The following KCNJ3 variants were observed in gnomAD, a reference collection of about 807,000 sequenced individuals.
KCNJ3 encodes potassium inwardly rectifying channel subfamily J member 3.
KCNJ3 carries 4 observed loss-of-function variants against 39.2 expected under a neutral mutation model. The ratio of observed to expected loss-of-function variants is 0.10; its 90% CI spans 0.05 to 0.23. The LOEUF is 0.23. KCNJ3 is among the 10% of genes least tolerant of loss of function. The pLI, the probability that KCNJ3 is intolerant of heterozygous loss-of-function variation, is 1.00. For missense variants in KCNJ3, 276 were observed against 634.9 expected (o/e 0.43, Z 6.08); for synonymous variants, 230 against 237.4 (o/e 0.97, Z 0.29).
At chr2:154,744,316 T>G (rs903723523) in intron 2 of KCNJ3, among the ~76,000 whole-genome samples, 1 of 151,702 alleles carries the variant, frequency 6.6e-6, no homozygotes, top group Admixed American at 6.6e-5. Flanking sequence ...TTATACTGAT[T>G]GTGTCTGCTT....
chr2:154,699,787 C>G lies in KCNJ3; in HGVS notation c.702+310C>G, dbSNP rs1215737330. ...CCATGAGGGCAATTAGTGCCCTGTT[C>G]GCCTTCCTGTCCCTGTTGCTTCGCT... On this transcript the variant is annotated intron_variant, in intron 1 of 2. Transcript: ENST00000295101. The surrounding 1 kb of genome is among the most constrained non-coding windows in gnomAD (Gnocchi z 6.4). Among the ~76,000 whole-genome samples, 1 of 152,128 alleles carries G rather than the reference C, an allele frequency of 6.6e-6. No homozygotes were observed. Among genetic ancestry groups the G allele is most frequent in the African/African-American group, 2.4e-5 (1 of 41,432 alleles).
chr2:154,758,092 C>G (rs763122692), intron 2 of KCNJ3, among the ~76,000 whole-genome samples: 2 of 152,028 alleles, frequency 1.3e-5, no homozygotes, highest in Non-Finnish European at 2.9e-5. Flanking sequence ...TTATTTCAGG[C>G]ATTTTAAAAT....
At chr2:154,795,378 AT>A (rs1686704289) in intron 2 of KCNJ3, among the ~76,000 whole-genome samples, 1 of 151,814 alleles carries the variant, frequency 6.6e-6, no homozygotes, top group Non-Finnish European at 1.5e-5. Flanking sequence ...ATCTGTCTCA[AT>A]TTTAATTTTT....
chr2:154,821,967 G>A (rs1425808845), intron 2 of KCNJ3, among the ~76,000 whole-genome samples: 1 of 151,262 alleles, frequency 6.6e-6, no homozygotes, highest in Non-Finnish European at 1.5e-5. Flanking sequence ...TTTTTTAAAT[G>A]TGCATCTGTT....
At chr2:154,802,696 A>G (rs1362037222) in intron 2 of KCNJ3, among the ~76,000 whole-genome samples, 1 of 152,112 alleles carries the variant, frequency 6.6e-6, no homozygotes, top group Non-Finnish European at 1.5e-5. Context: ...ATTCTATCTC[A>G]TTCAGTCTCA....
At chr2:154,758,718 T>C (rs974872500) in intron 2 of KCNJ3, among the ~76,000 whole-genome samples, 2 of 152,206 alleles carry the variant, frequency 1.3e-5, no homozygotes, top group Admixed American at 1.3e-4. Context: ...AATTGCAGTC[T>C]TGCAAATCAG....
At chr2:154,706,215 C>T (rs940389252) in intron 1 of KCNJ3, among the ~76,000 whole-genome samples, 1 of 151,920 alleles carries the variant, frequency 6.6e-6, no homozygotes, top group African/African-American at 2.4e-5. Flanking sequence ...ACATTTGTAT[C>T]TAGAAAACGA....
At chr2:154,842,581 C>G (rs1185800169) in intron 2 of KCNJ3, among the ~76,000 whole-genome samples, 3 of 152,068 alleles carry the variant, frequency 2.0e-5, no homozygotes, top group Non-Finnish European at 4.4e-5. Flanking sequence ...ATCTAAGTCT[C>G]TTTTTAGGTC....
intron 2 of KCNJ3, among the ~76,000 whole-genome samples, chr2:154,726,794 CAT>C (rs1181328924): frequency 2.8e-5 from 3 of 105,282 alleles, no homozygotes; most frequent in Admixed American, 1.2e-4. Flanking sequence ...ATTTTATATA[CAT>C]ACACACACAC....
At chr2:154,815,764 C>T (rs1687074741) in intron 2 of KCNJ3, among the ~76,000 whole-genome samples, 1 of 152,236 alleles carries the variant, frequency 6.6e-6, no homozygotes, top group Non-Finnish European at 1.5e-5. Context: ...ACTGCAGGCC[C>T]TTCAGCCATA....
chr2:154,771,236 G>A (rs1271310840), intron 2 of KCNJ3, among the ~76,000 whole-genome samples: 1 of 152,128 alleles, frequency 6.6e-6, no homozygotes, highest in Admixed American at 6.6e-5. Context: ...AATTTATCTG[G>A]AAGAGGAAGG....
In KCNJ3 at chr2:154,854,815, A is replaced by C; in HGVS notation, c.1008A>C (p.Gly336=). 1 of 1,613,868 alleles carries C rather than the reference A, an allele frequency of 6.2e-7. No homozygotes were observed. The highest frequency in any genetic ancestry group is 8.5e-7 in the Non-Finnish European group (1 of 1,179,886). The change falls in exon 3 of 3, where the codon GGA becomes GGC. Residue 336 remains glycine, a synonymous_variant. Coordinates refer to ENST00000295101, the MANE Select transcript of KCNJ3 (RefSeq NM_002239.4). The part of the protein sequence containing the change: ...RFFPVISLEE[G]FFKVDYSQFH... Reference sequence around the variant, plus strand: ...TTCCTGTAATTTCCTTAGAAGAGGGATTCTTTAAAGTTGATTACTCCCAGT... The same window carrying C: ...TTCCTGTAATTTCCTTAGAAGAGGGCTTCTTTAAAGTTGATTACTCCCAGT...
At chr2:154,815,723 C>T (rs972974697) in intron 2 of KCNJ3, among the ~76,000 whole-genome samples, 2 of 152,182 alleles carry the variant, frequency 1.3e-5, no homozygotes, top group Non-Finnish European at 2.9e-5. Flanking sequence ...TTTACTTGTT[C>T]CCTGATTCAA....
At chr2:154,700,459 T>C (rs1398329499) in intron 1 of KCNJ3, among the ~76,000 whole-genome samples, 1 of 152,248 alleles carries the variant, frequency 6.6e-6, no homozygotes, top group Non-Finnish European at 1.5e-5. Flanking sequence ...ATTCATTTTT[T>C]TCCCTAGAGG....
intron 2 of KCNJ3, among the ~76,000 whole-genome samples, chr2:154,770,020 C>T (rs546347192): frequency 8.6e-4 from 131 of 152,212 alleles, no homozygotes; most frequent in Non-Finnish European, 1.5e-3. Context: ...ATCTTCAGCA[C>T]TATGTTATTA....
chr2:154,753,727 A>G (rs191288138), intron 2 of KCNJ3, among the ~76,000 whole-genome samples: 1 of 152,218 alleles, frequency 6.6e-6, no homozygotes, highest in African/African-American at 2.4e-5. Flanking sequence ...TGTGGCATTT[A>G]TAAGTGATAG....
chr2:154,736,603 C>T (rs1006343517), intron 2 of KCNJ3, among the ~76,000 whole-genome samples: 1 of 151,888 alleles, frequency 6.6e-6, no homozygotes, highest in South Asian at 2.1e-4. Context: ...CAACAGAACT[C>T]GTAAAGAGCA....
chr2:154,819,723 G>A (rs1038802286), intron 2 of KCNJ3, among the ~76,000 whole-genome samples: 5 of 151,832 alleles, frequency 3.3e-5, no homozygotes, highest in Non-Finnish European at 5.9e-5. Context: ...TAGAGATGGG[G>A]TTGCACCCTG....
intron 2 of KCNJ3, among the ~76,000 whole-genome samples, chr2:154,852,037 A>G (rs907502148): frequency 6.6e-6 from 1 of 152,234 alleles, no homozygotes; most frequent in Admixed American, 6.5e-5. Context: ...ATAATTGAAC[A>G]GACTTCATAA....
Sources: gnomAD v4.1 joint callset for allele counts (sites outside exome capture counted in the v4.1 genomes callset) on GRCh38, gnomAD v4.1.1 for gene constraint, Gnocchi (gnomAD v3.1) non-coding constraint, MANE v1.5 for transcripts, NCBI Gene and HGNC (gene_info 2026-07-23, HGNC 2026-07-21) for gene names.